The following APLP2 variants were observed in gnomAD, a reference collection of about 807,000 sequenced individuals.
APLP2 encodes amyloid beta precursor like protein 2, also known as CDEI box-binding protein.
A neutral mutation model predicts 89.9 loss-of-function variants in APLP2; 53 were observed. The ratio of observed to expected loss-of-function variants is 0.59; its 90% CI spans 0.47 to 0.74. The LOEUF is 0.74. APLP2 is among the 30% of genes least tolerant of loss of function. The probability of loss-of-function intolerance (pLI) is 0.00; values close to 1 mark genes in which losing one functional copy is unlikely to be tolerated. For synonymous variants in APLP2, 372 were observed against 348.6 expected, an observed-to-expected ratio of 1.07 and a Z score of -0.75; for missense variants, 973 against 975.9, an observed-to-expected ratio of 1.00 and a Z score of 0.04.
chr11:130,125,933 C>T (rs973333253), intron 7 of APLP2, among the ~76,000 whole-genome samples: 18 of 152,192 alleles, frequency 1.2e-4, no homozygotes, highest in African/African-American at 4.3e-4. Flanking sequence ...AGAGATTATG[C>T]CCATCCAGCA....
intron 14 of APLP2, 127 bp downstream of exon 14, chr11:130,140,610 G>A (rs1952244048): frequency 1.7e-6 from 1 of 590,062 alleles, no homozygotes; most frequent in Non-Finnish European, 2.8e-6. Context: ...AAGGTTGGAG[G>A]GCTCCAACGG....
Position 130,135,544 on chromosome 11 carries a change from C to G in APLP2, c.1685-19C>G. 6.2e-7 allele frequency: 1 copy of G among 1,613,018 alleles called. No homozygotes were observed. Among genetic ancestry groups the G allele is most frequent in the Non-Finnish European group, 8.5e-7 (1 of 1,179,242 alleles). ...CCCTTCTGAAGCCTGCTTTCTGTCC[C>G]CTGCCCTGTCTTCATCAGATGAGCT... On this transcript the variant is annotated intron_variant, in intron 12 of 16. Coordinates refer to ENST00000338167, the MANE Select transcript of APLP2 (RefSeq NM_001142276.2).
intron 1 of APLP2, among the ~76,000 whole-genome samples, chr11:130,108,356 T>G (rs192586380): frequency 8.5e-5 from 13 of 152,200 alleles, no homozygotes; most frequent in African/African-American, 3.1e-4. Context: ...CTTAAACAAA[T>G]TTACAAGAAA....
chr11:130,134,730 C>T (rs1951354805), intron 12 of APLP2, among the ~76,000 whole-genome samples: 1 of 152,142 alleles, frequency 6.6e-6, no homozygotes, highest in African/African-American at 2.4e-5. Context: ...AGGAGCACCC[C>T]AGGGACAGCT....
chr11:130,083,737 C>T (rs1045694385), intron 1 of APLP2, among the ~76,000 whole-genome samples: 12 of 152,010 alleles, frequency 7.9e-5, no homozygotes, highest in Non-Finnish European at 1.6e-4. Context: ...TCTCGATGGA[C>T]ATTTAGGTTG....
chr11:130,092,297 A>G (rs1211379148), intron 1 of APLP2, among the ~76,000 whole-genome samples: 8 of 121,590 alleles, frequency 6.6e-5, no homozygotes, highest in Non-Finnish European at 5.1e-5. Flanking sequence ...AGGCAGAGAC[A>G]CTCCTCACTT....
chr11:130,114,029 T>G (rs1948893775), intron 3 of APLP2, among the ~76,000 whole-genome samples: 1 of 152,178 alleles, frequency 6.6e-6, no homozygotes, highest in Non-Finnish European at 1.5e-5. Context: ...TACTACAGTG[T>G]GTATTTTTAA....
intron 4 of APLP2, 64 bp from the exon 5 acceptor site, chr11:130,121,550 C>T (rs1047131436): frequency 7.3e-5 from 108 of 1,489,380 alleles, no homozygotes; most frequent in Non-Finnish European, 9.3e-5. Flanking sequence ...GGGTAGAGAT[C>T]GGAGTGTATT....
chr11:130,090,148 G>T (rs567663363), intron 1 of APLP2, among the ~76,000 whole-genome samples: 2 of 151,912 alleles, frequency 1.3e-5, no homozygotes, highest in East Asian at 3.9e-4. Context: ...ATGATCTTGG[G>T]AATACTTTCC....
At chr11:130,081,314 G>A (rs1462457117) in intron 1 of APLP2, among the ~76,000 whole-genome samples, 1 of 152,158 alleles carries the variant, frequency 6.6e-6, no homozygotes, top group Non-Finnish European at 1.5e-5. Flanking sequence ...TTCATGCTGT[G>A]AATTTGGATT....
In APLP2 at chr11:130,121,797, G is replaced by C. The variant is rs756218456; in HGVS notation, c.700G>C (p.Asp234His). The part of the protein sequence containing the change: ...EEEEDEEEDY[D>H]VYKSEFPTEA... ...AGAGGAAGATGAAGAGGAAGACTATGATGTTTATAAAAGGTAACTCTTCTA... is the reference window on the plus strand; with the variant it reads ...AGAGGAAGATGAAGAGGAAGACTATCATGTTTATAAAAGGTAACTCTTCTA... The change falls in exon 5 of 17, where the codon GAT becomes CAT. Residue 234 changes from aspartate to histidine, a missense_variant. Coordinates refer to ENST00000338167, the MANE Select transcript of APLP2 (RefSeq NM_001142276.2). The C allele has an allele frequency of 1.9e-6, 3 of 1,611,590 alleles. No homozygotes were observed. The African/African-American group carries it at 4.0e-5, about 22-fold the overall frequency.
At chr11:130,124,326 A>G (rs1164396227) in intron 7 of APLP2, among the ~76,000 whole-genome samples, 1 of 152,188 alleles carries the variant, frequency 6.6e-6, no homozygotes, top group Non-Finnish European at 1.5e-5. Context: ...GCCAAGTGGT[A>G]GTGACTCACT....
At chr11:130,070,499 C>T (rs943434259) in intron 1 of APLP2, 4 of 1,203,344 alleles carry the variant, frequency 3.3e-6, no homozygotes, top group Non-Finnish European at 4.1e-6. Flanking sequence ...GCGCGGACCC[C>T]GTACGCTCCC....
intron 4 of APLP2, among the ~76,000 whole-genome samples, 181 bp downstream of exon 4, chr11:130,120,999 A>G (rs1448611010): frequency 6.6e-6 from 1 of 152,234 alleles, no homozygotes; most frequent in Non-Finnish European, 1.5e-5. Flanking sequence ...GTATTTGTGT[A>G]GGAGAGCTCA....
intron 1 of APLP2, among the ~76,000 whole-genome samples, chr11:130,090,501 A>G (rs1223441821): frequency 1.3e-5 from 2 of 151,634 alleles, no homozygotes; most frequent in African/African-American, 4.9e-5. Flanking sequence ...TCTGTTTAAC[A>G]AAGCACATTT....
intron 12 of APLP2, among the ~76,000 whole-genome samples, 167 bp from the exon 13 acceptor site, chr11:130,135,396 G>A (rs146239622): frequency 2.0e-5 from 3 of 152,226 alleles, no homozygotes; most frequent in African/African-American, 4.8e-5. Flanking sequence ...CTGGGACGGC[G>A]CCCTGGGGTC....
intron 3 of APLP2, chr11:130,114,337 A>T (rs1007360298): frequency 5.9e-5 from 9 of 152,160 alleles, no homozygotes; most frequent in Non-Finnish European, 1.3e-4. Flanking sequence ...CACAAAGCTC[A>T]GTTCCTTTAT....
intron 1 of APLP2, among the ~76,000 whole-genome samples, chr11:130,076,730 C>T (rs1449877271): frequency 6.6e-6 from 1 of 152,200 alleles, no homozygotes; most frequent in Non-Finnish European, 1.5e-5. Flanking sequence ...AGGGGACATG[C>T]TCTGATAGGA....
chr11:130,095,388 A>G (rs913612176), intron 1 of APLP2, among the ~76,000 whole-genome samples: 6 of 152,246 alleles, frequency 3.9e-5, no homozygotes, highest in Non-Finnish European at 2.9e-5. Flanking sequence ...AATAATTACA[A>G]TGGAAATGAA....
Sources: allele counts gnomAD v4.1 joint callset (sites outside exome capture counted in the v4.1 genomes callset), GRCh38; gene constraint gnomAD v4.1.1; transcripts MANE v1.5; gene names NCBI Gene and HGNC (gene_info 2026-07-23, HGNC 2026-07-21).